Variants in MATCAP2 observed in about 807,000 individuals in gnomAD.
MATCAP2 encodes microtubule associated tyrosine carboxypeptidase 2, also known as putative tyrosine carboxypeptidase MATCAP2.
At chr7:36,324,832 A>G in the MATCAP2 span, 1 of 152,226 alleles carries the variant, frequency 6.6e-6, no homozygotes, top group Non-Finnish European at 1.5e-5. Context: ...TTTCCAAATC[A>G]GACAAAGAGA....
the MATCAP2 span, among the ~76,000 whole-genome samples, chr7:36,358,190 C>T: frequency 6.7e-6 from 1 of 149,032 alleles, no homozygotes; most frequent in East Asian, 2.0e-4. Context: ...AGAGTGAGAC[C>T]CTATCTTAAA....
At chr7:36,354,363 G>A in the MATCAP2 span, among the ~76,000 whole-genome samples, 70 of 152,358 alleles carry the variant, frequency 4.6e-4, no homozygotes, top group African/African-American at 1.5e-3. Flanking sequence ...TTATCTGTGC[G>A]CGAAAGTCTA....
At chr7:36,332,674 T>G in the MATCAP2 span, among the ~76,000 whole-genome samples, 1 of 152,242 alleles carries the variant, frequency 6.6e-6, no homozygotes, top group Non-Finnish European at 1.5e-5. Context: ...ACGCCTGTAG[T>G]CCCAGCACTT....
At chr7:36,333,129 G>C in the MATCAP2 span, among the ~76,000 whole-genome samples, 4 of 152,260 alleles carry the variant, frequency 2.6e-5, no homozygotes, top group South Asian at 8.3e-4. Flanking sequence ...GACAGCAGCG[G>C]ATCTCCCAGC....
the MATCAP2 span, among the ~76,000 whole-genome samples, chr7:36,361,876 C>A: frequency 1.3e-5 from 2 of 152,212 alleles, no homozygotes; most frequent in Non-Finnish European, 2.9e-5. Context: ...GTATCTCAGA[C>A]AATGTTGAGC....
At chr7:36,364,355 C>T in the MATCAP2 span, among the ~76,000 whole-genome samples, 1 of 152,118 alleles carries the variant, frequency 6.6e-6, no homozygotes, top group Non-Finnish European at 1.5e-5. Context: ...TCACAAACTG[C>T]TGGGATTACA....
the MATCAP2 span, among the ~76,000 whole-genome samples, chr7:36,365,490 A>C: frequency 6.6e-6 from 1 of 152,236 alleles, no homozygotes; most frequent in Non-Finnish European, 1.5e-5. Flanking sequence ...ACCTGAGGTC[A>C]GGAGTTCCAG....
At chr7:36,383,292 A>T in the MATCAP2 span, among the ~76,000 whole-genome samples, 1 of 152,080 alleles carries the variant, frequency 6.6e-6, no homozygotes, top group Non-Finnish European at 1.5e-5. Context: ...ATACCATTTG[A>T]CCCAGCAATA....
the MATCAP2 span, among the ~76,000 whole-genome samples, chr7:36,349,562 T>C: frequency 6.6e-6 from 1 of 152,156 alleles, no homozygotes; most frequent in South Asian, 2.1e-4. Flanking sequence ...CCTCTTGTAT[T>C]CTCGGCTGAA....
At chr7:36,379,543 T>G in the MATCAP2 span, among the ~76,000 whole-genome samples, 2 of 152,088 alleles carry the variant, frequency 1.3e-5, no homozygotes, top group African/African-American at 4.8e-5. Context: ...TAAGAGTAGC[T>G]TGTAGACATG....
chr7:36,335,690 G>A, the MATCAP2 span, among the ~76,000 whole-genome samples: 1 of 152,222 alleles, frequency 6.6e-6, no homozygotes, highest in Admixed American at 6.5e-5. Flanking sequence ...ACAATTCAAT[G>A]CAACAGGAAC....
chr7:36,376,713 T>G, the MATCAP2 span, among the ~76,000 whole-genome samples: 2 of 152,294 alleles, frequency 1.3e-5, no homozygotes, highest in Admixed American at 6.5e-5. Flanking sequence ...CCATTATTAT[T>G]GTGTGGGAGT....
the MATCAP2 span, among the ~76,000 whole-genome samples, chr7:36,330,190 A>G: frequency 6.6e-6 from 1 of 151,556 alleles, no homozygotes; most frequent in African/African-American, 2.4e-5. Flanking sequence ...GGCTCAAGTG[A>G]CCCTCCCACC....
chr7:36,382,168 A>C, the MATCAP2 span, among the ~76,000 whole-genome samples: 2 of 151,556 alleles, frequency 1.3e-5, no homozygotes, highest in African/African-American at 2.4e-5. Context: ...TTAGCCGGGC[A>C]TGGTGGTGGG....
At chr7:36,361,823 C>T in the MATCAP2 span, among the ~76,000 whole-genome samples, 361 of 152,206 alleles carry the variant, frequency 2.4e-3, 3 homozygotes, top group African/African-American at 8.3e-3. Context: ...GAAGACTATA[C>T]GACAATGAAA....
chr7:36,357,166 T>C, the MATCAP2 span: 2 of 1,614,140 alleles, frequency 1.2e-6, no homozygotes, highest in Admixed American at 1.7e-5. Flanking sequence ...TGCTTTTGGG[T>C]TTAGGTGGCA....
At chr7:36,378,456 C>T in the MATCAP2 span, among the ~76,000 whole-genome samples, 4 of 152,222 alleles carry the variant, frequency 2.6e-5, no homozygotes, top group African/African-American at 9.6e-5. Context: ...CTGCCTGATC[C>T]TTCCTCTGGA....
At chr7:36,356,593 G>A in the MATCAP2 span, 54 of 521,756 alleles carry the variant, frequency 1.0e-4, no homozygotes, top group Middle Eastern at 9.9e-4. Flanking sequence ...GTCTGTAGGC[G>A]GCTAAATTGG....
chr7:36,360,594 G>A, the MATCAP2 span, among the ~76,000 whole-genome samples: 2 of 152,022 alleles, frequency 1.3e-5, no homozygotes, highest in Non-Finnish European at 2.9e-5. Context: ...GGTCCTTCAC[G>A]CAACTCATAC....
Sources: allele counts gnomAD v4.1 joint callset (sites outside exome capture counted in the v4.1 genomes callset), GRCh38; gene constraint gnomAD v4.1.1; transcripts MANE v1.5; gene names NCBI Gene and HGNC (gene_info 2026-07-23, HGNC 2026-07-21).